ADAMTS17: variants seen among roughly 807,000 people sequenced by gnomAD.
ADAMTS17 encodes the protein A disintegrin and metalloproteinase with thrombospondin motifs 17.
ADAMTS17 carries 113 observed loss-of-function variants against 141.5 expected under a neutral mutation model. That is an observed-to-expected ratio of 0.80 (90% CI 0.69 to 0.93). The LOEUF (loss-of-function observed/expected upper bound fraction) is 0.93. Ranked by LOEUF, ADAMTS17 falls within the 40% of genes least tolerant of loss-of-function variation. The probability of loss-of-function intolerance (pLI) is 0.00; values close to 1 mark genes in which losing one functional copy is unlikely to be tolerated. For synonymous variants in ADAMTS17, 768 were observed against 630.6 expected (o/e 1.22, Z -3.27); for missense variants, 1,659 against 1,517.9 (o/e 1.09, Z -1.54).
Position 99,998,964 on chromosome 15 carries a change from G to C in ADAMTS17, c.2592-1375C>G, listed in dbSNP as rs149090055. Among the ~76,000 whole-genome samples, 10 of 152,300 alleles carry C rather than the reference G, an allele frequency of 6.6e-5. No individual in the cohort carries two copies. In the East Asian group the frequency reaches 1.9e-3, roughly 29 times the overall value. On this transcript the variant is annotated intron_variant, in intron 18 of 21. Transcript: ENST00000268070. Reference sequence around the variant, plus strand: ...AGTCCTGAATCCCGCCCCAAACCAAGTCTGATCATGCCATGCCGGGCCATC... The same window carrying C: ...AGTCCTGAATCCCGCCCCAAACCAACTCTGATCATGCCATGCCGGGCCATC...
At chr15:100,011,306 G>GGAGA (rs1422819956) in intron 18 of ADAMTS17, among the ~76,000 whole-genome samples, 1 of 144,082 alleles carries the variant, frequency 6.9e-6, no homozygotes, top group Non-Finnish European at 1.5e-5. Context: ...GGGAGGGGAG[G>GGAGA]GAAGGAAAGG....
chr15:99,976,256 A>G, intron 20 of ADAMTS17, 34 bp from the exon 21 acceptor site: 1 of 1,538,192 alleles, frequency 6.5e-7, no homozygotes, highest in Non-Finnish European at 8.7e-7. Flanking sequence ...TGGGGCTGAC[A>G]TGAGGTCAAG....
chr15:100,110,409 C>G (rs1302958801), intron 13 of ADAMTS17, among the ~76,000 whole-genome samples: 6 of 151,430 alleles, frequency 4.0e-5, no homozygotes, highest in African/African-American at 1.5e-4. Context: ...GGACTACAGG[C>G]ACCCGCCACC....
At chr15:100,118,059 G>A (rs1006508150) in intron 12 of ADAMTS17, among the ~76,000 whole-genome samples, 5 of 152,204 alleles carry the variant, frequency 3.3e-5, no homozygotes, top group African/African-American at 9.6e-5. Context: ...AGATGTAACA[G>A]CAGAAGAGGG....
chr15:100,128,080 T>C (rs2037837252), intron 12 of ADAMTS17, among the ~76,000 whole-genome samples: 1 of 152,080 alleles, frequency 6.6e-6, no homozygotes, highest in African/African-American at 2.4e-5. Context: ...ATGGACTCAG[T>C]GGCTTTGGAC....
At chr15:100,308,146 C>A (rs1056117647) in intron 3 of ADAMTS17, among the ~76,000 whole-genome samples, 1 of 152,178 alleles carries the variant, frequency 6.6e-6, no homozygotes, top group African/African-American at 2.4e-5. Flanking sequence ...AAACATCATA[C>A]CCCTGGAGCA....
intron 18 of ADAMTS17, among the ~76,000 whole-genome samples, chr15:100,045,639 G>T (rs1171766782): frequency 6.6e-6 from 1 of 152,136 alleles, no homozygotes; most frequent in Non-Finnish European, 1.5e-5. Context: ...ACTCTCTGTG[G>T]CTCCCTCCTT....
intron 15 of ADAMTS17, 46 bp downstream of exon 15, chr15:100,096,310 G>T (rs2035752621): frequency 6.2e-7 from 1 of 1,609,442 alleles, no homozygotes; most frequent in African/African-American, 1.3e-5. Context: ...GTAGGCAAAG[G>T]ACACAAAACA....
intron 3 of ADAMTS17, among the ~76,000 whole-genome samples, chr15:100,322,442 T>C (rs2045759731): frequency 6.6e-6 from 1 of 152,110 alleles, no homozygotes; most frequent in Admixed American, 6.5e-5. Flanking sequence ...GCAGTCTGAG[T>C]CCAACAAAAT....
At chr15:100,007,768 C>T (rs924410872) in intron 18 of ADAMTS17, among the ~76,000 whole-genome samples, 6 of 151,926 alleles carry the variant, frequency 3.9e-5, no homozygotes, top group Admixed American at 3.9e-4. Context: ...TCAGGCAGGT[C>T]GGCAGGTGCA....
chr15:100,052,874 C>T (rs1173246552), intron 16 of ADAMTS17, among the ~76,000 whole-genome samples: 1 of 152,222 alleles, frequency 6.6e-6, no homozygotes, highest in African/African-American at 2.4e-5. Context: ...TTACCTTTGT[C>T]TCCCCAGAAA....
Position 100,341,131 on chromosome 15 carries a change from G to T in ADAMTS17, c.358C>A (p.Arg120Ser). The T allele has an allele frequency of 4.9e-6, 7 of 1,439,136 alleles. No homozygotes were observed. The highest frequency in any genetic ancestry group is 6.3e-6 in the Non-Finnish European group (7 of 1,105,034). The allele number at this position is 1,439,136 out of a possible 1,614,324, so 89.1% of individuals were successfully genotyped here. The part of the protein sequence containing the change: ...EEAGAARRRG[R>S]PAELCFYSGR... ...GAGTAGAAGCACAGCTCGGCGGGGC[G>T]GCCGCGGCGCCGGGCCGCGCCCGCC... Residue 120 changes from arginine to serine, a missense_variant, in exon 2 of 22, where the codon CGC (arginine) becomes AGC (serine). By Grantham distance (110) the Arg-to-Ser change is moderately radical. Coordinates refer to ENST00000268070, the MANE Select transcript of ADAMTS17 (RefSeq NM_139057.4).
At chr15:100,295,969 T>A (rs1434953517) in intron 3 of ADAMTS17, among the ~76,000 whole-genome samples, 1 of 152,178 alleles carries the variant, frequency 6.6e-6, no homozygotes, top group Non-Finnish European at 1.5e-5. Context: ...TTGGCCTATA[T>A]TCTGAGTCAC....
intron 18 of ADAMTS17, among the ~76,000 whole-genome samples, chr15:100,005,471 C>G (rs1400620684): frequency 6.6e-6 from 1 of 152,132 alleles, no homozygotes; most frequent in Non-Finnish European, 1.5e-5. Context: ...CTGCCCCACT[C>G]CTTGGCTTGG....
At position 100,163,727 on chromosome 15, in the gene ADAMTS17, G is replaced by A. The variant is rs186756929; in HGVS notation, c.1182-8407C>T. Reference sequence around the variant, plus strand: ...CAGTGGCAGGAAATCTGGGTATGAAGGATGTAGACAGACACAGTTGAATAT... The same window carrying A: ...CAGTGGCAGGAAATCTGGGTATGAAAGATGTAGACAGACACAGTTGAATAT... On this transcript the variant is annotated intron_variant, in intron 8 of 21. Coordinates refer to ENST00000268070, the MANE Select transcript of ADAMTS17 (RefSeq NM_139057.4). 6.4e-3 allele frequency among the ~76,000 whole-genome samples: 979 copies of A among 152,304 alleles called. 7 individuals are homozygous for A. Among genetic ancestry groups the A allele is most frequent in the Middle Eastern group, 0.01 (3 of 294 alleles).
At chr15:100,159,700 G>GTC (rs1453171299) in intron 8 of ADAMTS17, among the ~76,000 whole-genome samples, 1 of 152,222 alleles carries the variant, frequency 6.6e-6, no homozygotes, top group African/African-American at 2.4e-5. Flanking sequence ...GGCAGGCATG[G>GTC]TCTTAATCAG....
intron 7 of ADAMTS17, among the ~76,000 whole-genome samples, chr15:100,234,213 G>A (rs1394657477): frequency 2.6e-5 from 4 of 152,122 alleles, no homozygotes; most frequent in Non-Finnish European, 4.4e-5. Context: ...AGTGTGTATC[G>A]GGCACCTTCA....
chr15:100,025,274 TCTTA>T (rs760099043), intron 18 of ADAMTS17, among the ~76,000 whole-genome samples: 22 of 152,230 alleles, frequency 1.4e-4, no homozygotes, highest in Non-Finnish European at 2.6e-4. Context: ...ACCTCTGCTC[TCTTA>T]CTGTTTTTGC....
chr15:100,265,480 T>C (rs1179117156), intron 4 of ADAMTS17, among the ~76,000 whole-genome samples: 7 of 152,194 alleles, frequency 4.6e-5, no homozygotes, highest in Non-Finnish European at 8.8e-5. Flanking sequence ...CTGGCTGCGT[T>C]TGTCACATTT....
Sources: allele counts gnomAD v4.1 joint callset (sites outside exome capture counted in the v4.1 genomes callset), GRCh38; gene constraint gnomAD v4.1.1; transcripts MANE v1.5; gene names NCBI Gene and HGNC (gene_info 2026-07-23, HGNC 2026-07-21).